PARD3B: variants seen among roughly 807,000 people sequenced by gnomAD.
PARD3B encodes par-3 family cell polarity regulator beta.
PARD3B carries 103 observed loss-of-function variants against 130.2 expected under a neutral mutation model. The ratio of observed to expected loss-of-function variants is 0.79; its 90% confidence interval spans 0.67 to 0.93. The LOEUF (loss-of-function observed/expected upper bound fraction) is 0.93, where lower values mean the gene tolerates loss of function less well. PARD3B is among the 40% of genes least tolerant of loss of function. The probability of loss-of-function intolerance (pLI) is 0.00; values close to 1 mark genes in which losing one functional copy is unlikely to be tolerated. For synonymous variants in PARD3B, 583 were observed against 553.2 expected (o/e 1.05, Z -0.76); for missense variants, 1,609 against 1,499.2 (o/e 1.07, Z -1.21).
chr2:204,889,542 C>G (rs1489260468), intron 2 of PARD3B, among the ~76,000 whole-genome samples: 1 of 152,116 alleles, frequency 6.6e-6, no homozygotes, highest in Admixed American at 6.6e-5. Context: ...TGTGCATTAC[C>G]CATGAAGCCA....
chr2:204,801,429 C>T (rs1331894427), intron 2 of PARD3B, among the ~76,000 whole-genome samples: 2 of 152,184 alleles, frequency 1.3e-5, no homozygotes, highest in African/African-American at 4.8e-5. Context: ...AGGTCCTTCA[C>T]ATCCCTTGTA....
At chr2:204,838,480 G>T (rs545331939) in intron 2 of PARD3B, among the ~76,000 whole-genome samples, 2 of 151,934 alleles carry the variant, frequency 1.3e-5, no homozygotes, top group African/African-American at 4.8e-5. Flanking sequence ...CTCCCAAACT[G>T]TTGGGATTAC....
chr2:204,980,255 T>C (rs1236179375), intron 3 of PARD3B, among the ~76,000 whole-genome samples: 2 of 152,186 alleles, frequency 1.3e-5, no homozygotes, highest in East Asian at 1.9e-4. Flanking sequence ...TAAAACCACA[T>C]TGCAAATTTC....
At chr2:204,992,022 T>A (rs955061443) in intron 3 of PARD3B, among the ~76,000 whole-genome samples, 1 of 152,106 alleles carries the variant, frequency 6.6e-6, no homozygotes, top group Non-Finnish European at 1.5e-5. Context: ...TCCCATGTTG[T>A]AGGTTGCCTG....
At position 205,564,091 on chromosome 2, in the gene PARD3B, A is replaced by C. The variant is rs1225858560; in HGVS notation, c.3260+10688A>C. 6.6e-6 allele frequency among the ~76,000 whole-genome samples: 1 copy of C among 152,230 alleles called. No homozygotes were observed. ...TGAAGAAACTGAGACTGGGAGATGCAAACAGGTGTGGCTAAGATTGCACAC... is the reference window on the plus strand; with the variant it reads ...TGAAGAAACTGAGACTGGGAGATGCCAACAGGTGTGGCTAAGATTGCACAC... On this transcript the variant is annotated intron_variant, in intron 22 of 22. Transcript: ENST00000406610. The surrounding 1 kb of genome is among the most constrained non-coding windows in gnomAD (Gnocchi z 4.6).
intron 2 of PARD3B, among the ~76,000 whole-genome samples, chr2:204,854,059 G>C (rs563289200): frequency 1.3e-5 from 2 of 152,110 alleles, no homozygotes; most frequent in African/African-American, 4.8e-5. Flanking sequence ...GAGCATTTGC[G>C]AAGATCCTGA....
At chr2:204,860,394 C>T (rs1007168135) in intron 2 of PARD3B, among the ~76,000 whole-genome samples, 5 of 152,132 alleles carry the variant, frequency 3.3e-5, no homozygotes, top group African/African-American at 7.2e-5. Context: ...ATTCAGGCAG[C>T]GTGGCCTGGA....
intron 19 of PARD3B, among the ~76,000 whole-genome samples, chr2:205,430,004 T>A (rs1213601948): frequency 1.3e-5 from 2 of 152,218 alleles, no homozygotes; most frequent in African/African-American, 4.8e-5. Flanking sequence ...TGTCTTCTCC[T>A]TTATAAGAAC....
chr2:204,784,602 A>G (rs2041946097), intron 2 of PARD3B, among the ~76,000 whole-genome samples: 3 of 152,202 alleles, frequency 2.0e-5, no homozygotes, highest in Admixed American at 2.0e-4. Flanking sequence ...AAGAGAAATC[A>G]TTTGTGTTAC....
chr2:205,404,860 G>A (rs1447525031), intron 19 of PARD3B, among the ~76,000 whole-genome samples: 1 of 152,064 alleles, frequency 6.6e-6, no homozygotes, highest in African/African-American at 2.4e-5. Context: ...TGAATATCCA[G>A]GTACAAATGT....
At chr2:204,908,590 A>G (rs1210636828) in intron 2 of PARD3B, among the ~76,000 whole-genome samples, 1 of 152,242 alleles carries the variant, frequency 6.6e-6, no homozygotes, top group Non-Finnish European at 1.5e-5. Context: ...ACAAAAAACA[A>G]AAGTCTATGA....
chr2:204,845,213 AC>A (rs150409138), intron 2 of PARD3B, among the ~76,000 whole-genome samples: 2 of 152,268 alleles, frequency 1.3e-5, no homozygotes, highest in Non-Finnish European at 2.9e-5. Flanking sequence ...GTATGTAGCC[AC>A]CACTCATTAT....
intron 15 of PARD3B, among the ~76,000 whole-genome samples, chr2:205,225,772 CACTA>C (rs1319793333): frequency 1.3e-5 from 2 of 152,136 alleles, no homozygotes; most frequent in African/African-American, 2.4e-5. Context: ...CATGAGAGCT[CACTA>C]ACTATCATGA....
chr2:205,614,675 C>T (rs531131122), intron 22 of PARD3B, among the ~76,000 whole-genome samples: 28 of 151,106 alleles, frequency 1.9e-4, no homozygotes, highest in African/African-American at 6.8e-4. Flanking sequence ...CATTGCACTC[C>T]AGCCTGGGTG....
intron 2 of PARD3B, among the ~76,000 whole-genome samples, chr2:204,898,324 A>G (rs373717552): frequency 2.6e-5 from 4 of 151,994 alleles, no homozygotes; most frequent in Non-Finnish European, 5.9e-5. Context: ...AATAGTAGTT[A>G]TTTTAAAATG....
chr2:204,652,129 C>T (rs968442320), intron 1 of PARD3B, among the ~76,000 whole-genome samples: 1 of 152,188 alleles, frequency 6.6e-6, no homozygotes, highest in Non-Finnish European at 1.5e-5. Context: ...ACATTAGGCT[C>T]TTCTTTACTT....
intron 22 of PARD3B, among the ~76,000 whole-genome samples, chr2:205,565,813 T>C (rs1170979837): frequency 1.3e-5 from 2 of 150,332 alleles, no homozygotes; most frequent in African/African-American, 4.9e-5. Context: ...ATAAGCCCCA[T>C]AGACACAGTT....
At position 204,675,011 on chromosome 2, in the gene PARD3B, T is replaced by C. The variant is rs183776064; in HGVS notation, c.121-11170T>C. Among the ~76,000 whole-genome samples the C allele has an allele frequency of 2.8e-4, 43 of 152,330 alleles. No homozygotes were observed. The highest frequency in any genetic ancestry group is 3.4e-3 in the Middle Eastern group (1 of 294). ...AGAATTATTCTAAAAATTAATAGCT[T>C]GCTCTTCTCTTTGGAGAGATGGCTC... On this transcript the variant is annotated intron_variant, in intron 1 of 22. Coordinates refer to ENST00000406610, the MANE Select transcript of PARD3B (RefSeq NM_001302769.2). The surrounding 1 kb of genome is among the most constrained non-coding windows in gnomAD (Gnocchi z 4.4).
chr2:205,166,699 G>A (rs73982803), intron 11 of PARD3B, among the ~76,000 whole-genome samples: 2,730 of 152,246 alleles, frequency 0.018, 92 homozygotes, highest in African/African-American at 0.062. Context: ...GTAGACAGAT[G>A]TTGTCATAGA....
Sources: gnomAD v4.1 joint callset for allele counts (sites outside exome capture counted in the v4.1 genomes callset) on GRCh38, gnomAD v4.1.1 for gene constraint, Gnocchi (gnomAD v3.1) non-coding constraint, MANE v1.5 for transcripts, NCBI Gene and HGNC (gene_info 2026-07-23, HGNC 2026-07-21) for gene names.